The following LPAR1 variants were observed in gnomAD, a reference collection of about 807,000 sequenced individuals.
The protein encoded by LPAR1 is LPA receptor 1.
Under a neutral mutation model 23.8 loss-of-function variants are expected in LPAR1, and 5 were observed. The observed-to-expected ratio is 0.21, with a 90% CI of 0.11 to 0.44. The LOEUF (loss-of-function observed/expected upper bound fraction) is 0.44. Among genes scored for constraint, LPAR1 ranks in the 20% least tolerant of loss-of-function variants. The pLI is 0.99. For missense variants in LPAR1, 311 were observed against 482.8 expected (o/e 0.64, Z 3.33); for synonymous variants, 160 against 164.7 (o/e 0.97, Z 0.22).
intron 5 of LPAR1, among the ~76,000 whole-genome samples, chr9:110,933,131 T>C (rs1476274493): frequency 6.6e-6 from 1 of 152,236 alleles, no homozygotes; most frequent in African/African-American, 2.4e-5. Context: ...AAGTAGGGTG[T>C]AGGCAAAGCT....
At chr9:111,024,529 GGAGT>G (rs1230910413) in intron 2 of LPAR1, among the ~76,000 whole-genome samples, 3 of 141,040 alleles carry the variant, frequency 2.1e-5, no homozygotes, top group Non-Finnish European at 4.6e-5. Flanking sequence ...TATATATATG[GGAGT>G]GTGTGTGTGT....
chr9:111,031,576 A>G (rs2097796261), intron 2 of LPAR1, among the ~76,000 whole-genome samples: 1 of 152,058 alleles, frequency 6.6e-6, no homozygotes. Flanking sequence ...ATGCCACTGC[A>G]CTCCAAGACC....
chr9:110,882,799 G>A (rs982932294), intron 5 of LPAR1, among the ~76,000 whole-genome samples: 1 of 152,120 alleles, frequency 6.6e-6, no homozygotes, highest in African/African-American at 2.4e-5. Flanking sequence ...TATGTAAAAT[G>A]TTAGCATGTT....
chr9:110,948,028 T>G (rs964487517), intron 4 of LPAR1, among the ~76,000 whole-genome samples: 10 of 152,238 alleles, frequency 6.6e-5, no homozygotes, highest in African/African-American at 2.4e-4. Context: ...CTCTTTCTGA[T>G]TCTCATTTTC....
chr9:110,881,142 GTA>G (rs1310800932), intron 5 of LPAR1, among the ~76,000 whole-genome samples: 3 of 152,026 alleles, frequency 2.0e-5, no homozygotes, highest in African/African-American at 7.2e-5. Context: ...TATCTCCACA[GTA>G]TTATTGTTCT....
chr9:110,971,695 T>G (rs1395845993), intron 4 of LPAR1, among the ~76,000 whole-genome samples: 1 of 151,862 alleles, frequency 6.6e-6, no homozygotes, highest in African/African-American at 2.4e-5. Context: ...TAAAATTAGA[T>G]CCATTCTGAT....
intron 5 of LPAR1, among the ~76,000 whole-genome samples, chr9:110,929,966 A>T (rs1200512293): frequency 6.6e-6 from 1 of 152,208 alleles, no homozygotes; most frequent in African/African-American, 2.4e-5. Context: ...CCTCAAAAAC[A>T]GAACTATACA....
intron 4 of LPAR1, among the ~76,000 whole-genome samples, chr9:110,963,972 G>T (rs892036702): frequency 1.3e-5 from 2 of 152,226 alleles, no homozygotes; most frequent in African/African-American, 4.8e-5. Flanking sequence ...AAATTATCGT[G>T]TGGCACTGGA....
rs1310451103 is a variant in LPAR1, at chr9:111,038,312, C to G, written c.-407G>C. The G allele has an allele frequency of 6.7e-6, 1 of 149,732 alleles. No homozygotes were observed. Among genetic ancestry groups the G allele is most frequent in the Non-Finnish European group, 1.5e-5 (1 of 67,416 alleles). The allele number at this position is 149,732 out of a possible 1,614,324, so 9.3% of individuals were successfully genotyped here. ...CGGCAGTCGCCCAGAGCGGGGCCGC[C>G]CCCTGCGCCCACCCCGCCGGGGTCC... On this transcript the variant is annotated 5_prime_UTR_variant, in exon 1 of 6. Coordinates refer to ENST00000683809, the MANE Select transcript of LPAR1 (RefSeq NM_001351411.2). The surrounding 1 kb of genome is among the most constrained non-coding windows in gnomAD (Gnocchi z 4.4).
At chr9:111,033,793 T>G (rs1402927700) in intron 2 of LPAR1, among the ~76,000 whole-genome samples, 1 of 152,156 alleles carries the variant, frequency 6.6e-6, no homozygotes, top group Non-Finnish European at 1.5e-5. Context: ...CCTCAGGTGA[T>G]CCACCCGCCT....
chr9:110,894,834 G>A (rs2085743388), intron 5 of LPAR1, among the ~76,000 whole-genome samples: 1 of 150,130 alleles, frequency 6.7e-6, no homozygotes, highest in African/African-American at 2.5e-5. Context: ...TGGGCAACGA[G>A]CTGAAACCCT....
intron 2 of LPAR1, among the ~76,000 whole-genome samples, chr9:111,013,204 G>A (rs541586828): frequency 5.9e-5 from 9 of 152,164 alleles, no homozygotes; most frequent in Non-Finnish European, 4.4e-5. Context: ...TGTTGGGGTC[G>A]TAGTTTTAAA....
chr9:110,956,228 G>A (rs2095742058), intron 4 of LPAR1, among the ~76,000 whole-genome samples: 1 of 150,606 alleles, frequency 6.6e-6, no homozygotes, highest in African/African-American at 2.5e-5. Context: ...CACACATGGG[G>A]GCCTGTCGGG....
chr9:110,966,263 TA>T (rs1380350924), intron 4 of LPAR1, among the ~76,000 whole-genome samples: 1 of 152,002 alleles, frequency 6.6e-6, no homozygotes, highest in African/African-American at 2.4e-5. Context: ...GGCGGATCAC[TA>T]AGTCAGGAGT....
chr9:111,035,085 C>A (rs2097867053), intron 2 of LPAR1, among the ~76,000 whole-genome samples: 1 of 152,008 alleles, frequency 6.6e-6, no homozygotes, highest in South Asian at 2.1e-4. Flanking sequence ...GCATCTTTCC[C>A]CCCTGTGTTG....
At chr9:110,965,996 AC>A (rs571104439) in intron 4 of LPAR1, among the ~76,000 whole-genome samples, 90 of 152,248 alleles carry the variant, frequency 5.9e-4, no homozygotes, top group African/African-American at 2.1e-3. Flanking sequence ...GAAGCTGAAA[AC>A]CATCATTCTC....
chr9:110,923,506 T>G (rs146138320), intron 5 of LPAR1, among the ~76,000 whole-genome samples: 181 of 152,340 alleles, frequency 1.2e-3, no homozygotes, highest in Non-Finnish European at 2.3e-3. Flanking sequence ...TAGGCTAATG[T>G]AAGTGTTCTG....
chr9:111,027,983 T>G (rs1188392440), intron 2 of LPAR1, among the ~76,000 whole-genome samples: 1 of 151,120 alleles, frequency 6.6e-6, no homozygotes, highest in Non-Finnish European at 1.5e-5. Flanking sequence ...CATTAAATAG[T>G]GTGACTAATA....
intron 5 of LPAR1, among the ~76,000 whole-genome samples, chr9:110,883,338 T>C (rs1487740170): frequency 1.3e-5 from 2 of 152,190 alleles, no homozygotes; most frequent in Non-Finnish European, 2.9e-5. Context: ...GCCCGGCCTA[T>C]ATCTTGAATT....
Sources: gnomAD v4.1 joint callset for allele counts (sites outside exome capture counted in the v4.1 genomes callset) on GRCh38, gnomAD v4.1.1 for gene constraint, Gnocchi (gnomAD v3.1) non-coding constraint, MANE v1.5 for transcripts, NCBI Gene and HGNC (gene_info 2026-07-23, HGNC 2026-07-21) for gene names.